GRK5: variants seen among roughly 807,000 people sequenced by gnomAD.
GRK5 encodes G protein-coupled receptor kinase 5.
GRK5 carries 40 observed loss-of-function variants against 78.4 expected under a neutral mutation model. The observed-to-expected ratio is 0.51, with a 90% CI of 0.40 to 0.66. The LOEUF is 0.66. Ranked by LOEUF, GRK5 falls within the 30% of genes least tolerant of loss-of-function variation. The pLI, the probability that GRK5 is intolerant of heterozygous loss-of-function variation, is 0.00. For synonymous variants in GRK5, 289 were observed against 296.8 expected, an observed-to-expected ratio of 0.97 and a Z score of 0.27; for missense variants, 598 against 759.9, an observed-to-expected ratio of 0.79 and a Z score of 2.50.
intron 1 of GRK5, among the ~76,000 whole-genome samples, chr10:119,256,092 G>A (rs1213698589): frequency 1.3e-5 from 2 of 152,046 alleles, no homozygotes; most frequent in Admixed American, 1.3e-4. Flanking sequence ...AGAAGACACC[G>A]AGACTTGGTA....
At chr10:119,387,004 A>ATTTTTTTTTTT (rs781044912) in intron 3 of GRK5, among the ~76,000 whole-genome samples, 1 of 145,670 alleles carries the variant, frequency 6.9e-6, no homozygotes, top group Non-Finnish European at 1.5e-5. Flanking sequence ...CCTGCACAGT[A>ATTTTTTTTTTT]TTTTTTTTTT....
intron 2 of GRK5, among the ~76,000 whole-genome samples, chr10:119,349,558 G>C (rs1407527758): frequency 6.6e-6 from 1 of 152,234 alleles, no homozygotes; most frequent in Non-Finnish European, 1.5e-5. Flanking sequence ...ACCTGTGTGG[G>C]AGGGGAGGGC....
At chr10:119,388,124 A>AT (rs879773133) in intron 3 of GRK5, among the ~76,000 whole-genome samples, 2,394 of 145,018 alleles carry the variant, frequency 0.017, 31 homozygotes, top group African/African-American at 0.037. Flanking sequence ...GGCTAATTAA[A>AT]TTTTTTTTTT....
rs113734709 is a variant in GRK5, at chr10:119,422,543, C to T, written c.340-623C>T. On this transcript the variant is annotated intron_variant, in intron 4 of 15. Transcript: ENST00000392870. ...GGATTCAAACCCAAGCCTGCAGCTCCGGGGCTATAGCTCCCCTCCCCTCCT... is the reference window on the plus strand; with the variant it reads ...GGATTCAAACCCAAGCCTGCAGCTCTGGGGCTATAGCTCCCCTCCCCTCCT... Among the ~76,000 whole-genome samples, 432 of 152,282 alleles carry T rather than the reference C, an allele frequency of 2.8e-3. 1 individual carries two copies. Among genetic ancestry groups the T allele is most frequent in the African/African-American group, 4.8e-3 (198 of 41,554 alleles).
At chr10:119,320,156 G>A (rs1850559603) in intron 1 of GRK5, among the ~76,000 whole-genome samples, 1 of 152,228 alleles carries the variant, frequency 6.6e-6, no homozygotes, top group Non-Finnish European at 1.5e-5. Context: ...GATGTATACA[G>A]GGATTGGAGG....
Position 119,430,018 on chromosome 10 carries a change from C to T in GRK5, c.534-357C>T, listed in dbSNP as rs1852783275. Among the ~76,000 whole-genome samples, 1 of 152,184 alleles carries T rather than the reference C, an allele frequency of 6.6e-6. No individual in the cohort carries two copies. Among genetic ancestry groups the T allele is most frequent in the Non-Finnish European group, 1.5e-5 (1 of 68,032 alleles). On this transcript the variant is annotated intron_variant, in intron 6 of 15. Transcript: ENST00000392870. The surrounding 1 kb of genome is among the most constrained non-coding windows in gnomAD (Gnocchi z 4.5). ...CCCACCCCTTCCTGCACAGAAGGCACAGCTTCCTTCTGAGTTTCGCCGCAT... is the reference window on the plus strand; with the variant it reads ...CCCACCCCTTCCTGCACAGAAGGCATAGCTTCCTTCTGAGTTTCGCCGCAT...
Position 119,448,173 on chromosome 10 carries a change from T to C in GRK5, c.1317T>C (p.Ala439=). 1 of 1,582,072 alleles carries C rather than the reference T, an allele frequency of 6.3e-7. No homozygotes were observed. Among genetic ancestry groups the C allele is most frequent in the Non-Finnish European group, 8.6e-7 (1 of 1,167,838 alleles). Residue 439 remains alanine (A), a synonymous_variant, in exon 13 of 16, where the codon GCT becomes GCC. Coordinates refer to ENST00000392870, the MANE Select transcript of GRK5 (RefSeq NM_005308.3). ...KQRLGCQEEG[A]AEVKRHPFFR... is the part of the protein sequence containing the mutation. ...GGCTGGGCTGCCAGGAGGAGGGGGC[T>C]GCAGAGGTCAAGAGACACCCCTTCT...
At chr10:119,304,063 A>T (rs1182790600) in intron 1 of GRK5, among the ~76,000 whole-genome samples, 1 of 152,006 alleles carries the variant, frequency 6.6e-6, no homozygotes, top group Non-Finnish European at 1.5e-5. Flanking sequence ...GTGTGGTGTT[A>T]CCTGGTGCTG....
At chr10:119,350,647 C>T (rs1238405419) in intron 2 of GRK5, among the ~76,000 whole-genome samples, 1 of 152,220 alleles carries the variant, frequency 6.6e-6, no homozygotes, top group African/African-American at 2.4e-5. Context: ...CAGAGAAGAA[C>T]CCCTTTTTTG....
At chr10:119,290,333 C>T (rs7097022) in intron 1 of GRK5, among the ~76,000 whole-genome samples, 6,266 of 118,426 alleles carry the variant, frequency 0.053, 267 homozygotes, top group African/African-American at 0.14. Flanking sequence ...AGTGACAGAG[C>T]GAGATTCCGT....
chr10:119,243,468 T>C (rs1179307689), intron 1 of GRK5, among the ~76,000 whole-genome samples: 2 of 152,160 alleles, frequency 1.3e-5, no homozygotes, highest in African/African-American at 4.8e-5. Context: ...AACTCAAATA[T>C]AATTAGTGTA....
chr10:119,277,391 G>A (rs1054025073), intron 1 of GRK5, among the ~76,000 whole-genome samples: 16 of 152,296 alleles, frequency 1.1e-4, no homozygotes, highest in African/African-American at 3.9e-4. Flanking sequence ...TTTCCCAGGA[G>A]GAATAATTGT....
chr10:119,291,265 G>T (rs1359266956), intron 1 of GRK5, among the ~76,000 whole-genome samples: 4 of 152,108 alleles, frequency 2.6e-5, no homozygotes, highest in Non-Finnish European at 4.4e-5. Flanking sequence ...TTGGATTTGC[G>T]GTATCACCAA....
chr10:119,305,486 G>C (rs1850259300), intron 1 of GRK5, among the ~76,000 whole-genome samples: 1 of 152,186 alleles, frequency 6.6e-6, no homozygotes, highest in Non-Finnish European at 1.5e-5. Flanking sequence ...CCCCATAAAG[G>C]CATAAGTGAA....
At chr10:119,218,677 G>A (rs889019773) in intron 1 of GRK5, among the ~76,000 whole-genome samples, 2 of 152,162 alleles carry the variant, frequency 1.3e-5, no homozygotes, top group Non-Finnish European at 2.9e-5. Flanking sequence ...TTGGACCATC[G>A]ACTTGAATAG....
intron 1 of GRK5, among the ~76,000 whole-genome samples, chr10:119,213,992 T>C (rs764684308): frequency 2.6e-5 from 4 of 152,214 alleles, no homozygotes; most frequent in Non-Finnish European, 5.9e-5. Flanking sequence ...TTGTTTTGTT[T>C]TGAGACAGAG....
intron 2 of GRK5, among the ~76,000 whole-genome samples, chr10:119,328,151 C>A (rs972420072): frequency 6.6e-6 from 1 of 152,228 alleles, no homozygotes; most frequent in African/African-American, 2.4e-5. Flanking sequence ...CACTGGCGTG[C>A]TTTCCGGAGT....
intron 1 of GRK5, among the ~76,000 whole-genome samples, chr10:119,244,378 A>G (rs1158894594): frequency 6.6e-6 from 1 of 152,292 alleles, no homozygotes; most frequent in African/African-American, 2.4e-5. Flanking sequence ...CTACTATTCA[A>G]TAACAACAAC....
chr10:119,377,633 G>A (rs1851645958), intron 2 of GRK5, among the ~76,000 whole-genome samples: 1 of 152,126 alleles, frequency 6.6e-6, no homozygotes, highest in South Asian at 2.1e-4. Context: ...AGCTTGTGTT[G>A]GAATCGCATG....
Sources: allele counts gnomAD v4.1 joint callset (sites outside exome capture counted in the v4.1 genomes callset), GRCh38; gene constraint gnomAD v4.1.1; non-coding constraint Gnocchi (gnomAD v3.1); transcripts MANE v1.5; gene names NCBI Gene and HGNC (gene_info 2026-07-23, HGNC 2026-07-21).